Variants in LRRC4C observed in about 807,000 individuals in gnomAD.
LRRC4C encodes the protein leucine rich repeat containing 4C.
LRRC4C carries 5 observed loss-of-function variants against 33.6 expected under a neutral mutation model. That is an observed-to-expected ratio of 0.15 (90% CI 0.08 to 0.31). The LOEUF (loss-of-function observed/expected upper bound fraction) is 0.31, where lower values mean the gene tolerates loss of function less well. Among genes scored for constraint, LRRC4C ranks in the 10% least tolerant of loss-of-function variants. LRRC4C has a pLI of 1.00. For synonymous variants in LRRC4C, 329 were observed against 302.0 expected (o/e 1.09, Z -0.93); for missense variants, 560 against 796.7 (o/e 0.70, Z 3.58).
At chr11:41,428,912 A>G (rs1955136074) in intron 1 of LRRC4C, among the ~76,000 whole-genome samples, 1 of 151,510 alleles carries the variant, frequency 6.6e-6, no homozygotes, top group Admixed American at 6.6e-5. Flanking sequence ...CTTGGTATAA[A>G]GGCCTCTGGG....
chr11:40,792,100 C>A (rs571017687), intron 2 of LRRC4C, among the ~76,000 whole-genome samples: 1 of 152,188 alleles, frequency 6.6e-6, no homozygotes, highest in Non-Finnish European at 1.5e-5. Flanking sequence ...AAATCAATTA[C>A]AAATTTTTAC....
intron 1 of LRRC4C, among the ~76,000 whole-genome samples, chr11:41,412,190 T>C (rs1954513515): frequency 6.6e-6 from 1 of 152,158 alleles, no homozygotes; most frequent in Non-Finnish European, 1.5e-5. Flanking sequence ...CCACCAGCAC[T>C]ATGACCCCCG....
At chr11:40,920,924 GT>G (rs35422765) in intron 2 of LRRC4C, among the ~76,000 whole-genome samples, 38 of 145,214 alleles carry the variant, frequency 2.6e-4, no homozygotes, top group South Asian at 6.6e-4. Flanking sequence ...CATAATCAAG[GT>G]TTTTTTTTTT....
At chr11:40,998,390 A>C (rs1441061638) in intron 1 of LRRC4C, among the ~76,000 whole-genome samples, 2 of 152,120 alleles carry the variant, frequency 1.3e-5, no homozygotes, top group African/African-American at 4.8e-5. Context: ...CCATTCTAAT[A>C]TACAGTTCTA....
intron 3 of LRRC4C, among the ~76,000 whole-genome samples, chr11:40,540,460 G>C (rs757628892): frequency 6.6e-6 from 1 of 152,086 alleles, no homozygotes; most frequent in Non-Finnish European, 1.5e-5. Flanking sequence ...CTTCTGTGCA[G>C]CTTCTTCTTT....
At chr11:40,748,596 A>G (rs1948540469) in intron 2 of LRRC4C, among the ~76,000 whole-genome samples, 3 of 152,076 alleles carry the variant, frequency 2.0e-5, no homozygotes, top group Admixed American at 2.0e-4. Flanking sequence ...ATACAAAAGA[A>G]CCAAAAAACA....
intron 1 of LRRC4C, among the ~76,000 whole-genome samples, chr11:41,192,462 T>C (rs1337943958): frequency 6.6e-6 from 1 of 150,718 alleles, no homozygotes; most frequent in Non-Finnish European, 1.5e-5. Flanking sequence ...CACACACACA[T>C]ACACATATAT....
chr11:40,497,402 T>TA (rs369417848), intron 3 of LRRC4C, among the ~76,000 whole-genome samples: 30 of 145,280 alleles, frequency 2.1e-4, no homozygotes, highest in Admixed American at 4.1e-4. Flanking sequence ...AAAATTCCAT[T>TA]AAAAAAAAAA....
At chr11:40,393,725 C>T (rs1009017604) in intron 3 of LRRC4C, among the ~76,000 whole-genome samples, 2 of 152,126 alleles carry the variant, frequency 1.3e-5, no homozygotes, top group South Asian at 4.1e-4. Flanking sequence ...ATGCAATGGT[C>T]CTTTAATGAA....
chr11:40,935,628 T>C (rs930215798), intron 1 of LRRC4C, among the ~76,000 whole-genome samples: 4 of 152,062 alleles, frequency 2.6e-5, no homozygotes, highest in African/African-American at 9.7e-5. Context: ...CCTAGGTGTA[T>C]AGTAGGGCAT....
chr11:40,994,707 T>C (rs1321893227), intron 1 of LRRC4C, among the ~76,000 whole-genome samples: 1 of 152,174 alleles, frequency 6.6e-6, no homozygotes, highest in Non-Finnish European at 1.5e-5. Context: ...TAAGTAATCT[T>C]TTAAAGCCAA....
At chr11:41,269,896 G>T (rs902755362) in intron 1 of LRRC4C, among the ~76,000 whole-genome samples, 15 of 151,996 alleles carry the variant, frequency 9.9e-5, no homozygotes, top group Admixed American at 2.6e-4. Flanking sequence ...TAATCCATAG[G>T]CACAGAAAAG....
At chr11:40,313,167 A>G (rs1367939407) in intron 4 of LRRC4C, among the ~76,000 whole-genome samples, 2 of 152,234 alleles carry the variant, frequency 1.3e-5, no homozygotes, top group African/African-American at 2.4e-5. Flanking sequence ...TCGATCAAAT[A>G]GATTTGTTTA....
At chr11:40,999,816 G>GT (rs1854243090) in intron 1 of LRRC4C, among the ~76,000 whole-genome samples, 1 of 152,104 alleles carries the variant, frequency 6.6e-6, no homozygotes, top group Non-Finnish European at 1.5e-5. Context: ...GAATACCCGA[G>GT]TTTCCCTAGC....
At chr11:40,687,149 C>G (rs1446503944) in intron 2 of LRRC4C, among the ~76,000 whole-genome samples, 1 of 152,060 alleles carries the variant, frequency 6.6e-6, no homozygotes, top group African/African-American at 2.4e-5. Flanking sequence ...AAGGCTCTCT[C>G]AAGTGCAACA....
At chr11:40,917,352 T>C (rs957494005) in intron 2 of LRRC4C, among the ~76,000 whole-genome samples, 5 of 152,166 alleles carry the variant, frequency 3.3e-5, no homozygotes, top group Non-Finnish European at 7.4e-5. Flanking sequence ...AGCTTTTCAA[T>C]TTGTGAATGC....
intron 1 of LRRC4C, among the ~76,000 whole-genome samples, chr11:41,159,978 T>C (rs1191683057): frequency 6.6e-6 from 1 of 151,206 alleles, no homozygotes; most frequent in Non-Finnish European, 1.5e-5. Flanking sequence ...AAAAGAAAAC[T>C]CCAGAAAATA....
chr11:40,917,972 A>G (rs1248049748), intron 2 of LRRC4C, among the ~76,000 whole-genome samples: 1 of 152,186 alleles, frequency 6.6e-6, no homozygotes, highest in African/African-American at 2.4e-5. Context: ...TTTATTGAGC[A>G]TAGCAGCAAG....
At chr11:40,485,654 G>A (rs180778356) in intron 3 of LRRC4C, among the ~76,000 whole-genome samples, 141 of 151,920 alleles carry the variant, frequency 9.3e-4, no homozygotes, top group African/African-American at 3.4e-3. Flanking sequence ...CCCATTAATG[G>A]GTATATACCC....
Sources: allele counts gnomAD v4.1 joint callset (sites outside exome capture counted in the v4.1 genomes callset), GRCh38; gene constraint gnomAD v4.1.1; transcripts MANE v1.5; gene names NCBI Gene and HGNC (gene_info 2026-07-23, HGNC 2026-07-21).